The following PTPRT variants were observed in gnomAD, a reference collection of about 807,000 sequenced individuals.
PTPRT encodes receptor-type tyrosine-protein phosphatase T.
Under a neutral mutation model 176.8 loss-of-function variants are expected in PTPRT, and 56 were observed. The ratio of observed to expected loss-of-function variants is 0.32; its 90% CI spans 0.26 to 0.40. The LOEUF (loss-of-function observed/expected upper bound fraction) is 0.40, where lower values mean the gene tolerates loss of function less well. Ranked by LOEUF, PTPRT falls within the 10% of genes least tolerant of loss-of-function variation. PTPRT has a pLI of 1.00. For missense variants in PTPRT, 1,540 were observed against 1,908.2 expected (o/e 0.81, Z 3.60); for synonymous variants, 783 against 739.0 (o/e 1.06, Z -0.96).
chr20:42,045,411 A>G, the PTPRT span, among the ~76,000 whole-genome samples: 1 of 151,432 alleles, frequency 6.6e-6, no homozygotes, highest in Non-Finnish European at 1.5e-5. Context: ...GCAGGCAAGA[A>G]AGTTTCGTTG....
At chr20:42,333,210 T>C (rs1333583178) in intron 11 of PTPRT, among the ~76,000 whole-genome samples, 2 of 152,220 alleles carry the variant, frequency 1.3e-5, no homozygotes, top group Admixed American at 6.5e-5. Context: ...GAAACAGATA[T>C]GATAATCCAA....
At chr20:43,000,198 GA>G (rs1984484171) in intron 1 of PTPRT, among the ~76,000 whole-genome samples, 1 of 151,890 alleles carries the variant, frequency 6.6e-6, no homozygotes, top group South Asian at 2.1e-4. Context: ...ACTCAAAACA[GA>G]ATATAAACTT....
At chr20:42,301,651 T>C (rs1304289150) in intron 12 of PTPRT, among the ~76,000 whole-genome samples, 1 of 151,524 alleles carries the variant, frequency 6.6e-6, no homozygotes, top group Admixed American at 6.6e-5. Flanking sequence ...AACAGACAAA[T>C]AGGGGAAGAA....
intron 7 of PTPRT, among the ~76,000 whole-genome samples, chr20:42,559,138 T>C (rs2072908863): frequency 6.6e-6 from 1 of 152,206 alleles, no homozygotes. Context: ...TAGAACATTG[T>C]AGAGGCTTAA....
At chr20:42,185,915 C>G (rs555198512) in intron 16 of PTPRT, among the ~76,000 whole-genome samples, 1 of 152,006 alleles carries the variant, frequency 6.6e-6, no homozygotes, top group Admixed American at 6.6e-5. Flanking sequence ...CAGTAGTAAA[C>G]AAAAACATGG....
chr20:42,631,834 C>T (rs2074413814), intron 7 of PTPRT, among the ~76,000 whole-genome samples: 1 of 152,166 alleles, frequency 6.6e-6, no homozygotes. Context: ...TCAAACTCTG[C>T]ACATTTTAAA....
intron 18 of PTPRT, among the ~76,000 whole-genome samples, chr20:42,131,964 A>C (rs1269112557): frequency 6.6e-6 from 1 of 152,082 alleles, no homozygotes; most frequent in Non-Finnish European, 1.5e-5. Flanking sequence ...GGGAAAACAG[A>C]GTGTGAGGGG....
chr20:42,450,402 A>G (rs751219298), intron 8 of PTPRT, among the ~76,000 whole-genome samples: 2 of 152,234 alleles, frequency 1.3e-5, no homozygotes, highest in Admixed American at 6.5e-5. Context: ...TAAAAAATTA[A>G]GTGCATGTGT....
At chr20:42,802,566 C>G (rs1270969893) in intron 2 of PTPRT, among the ~76,000 whole-genome samples, 1 of 152,260 alleles carries the variant, frequency 6.6e-6, no homozygotes, top group Non-Finnish European at 1.5e-5. Context: ...CTCTAAGGAG[C>G]TACAAGACTT....
chr20:42,400,563 C>T (rs1464847587), intron 9 of PTPRT, among the ~76,000 whole-genome samples: 1 of 152,014 alleles, frequency 6.6e-6, no homozygotes, highest in Non-Finnish European at 1.5e-5. Context: ...CACCAAGAAG[C>T]CACATCTTGC....
At chr20:43,036,580 C>A (rs188541842) in intron 1 of PTPRT, among the ~76,000 whole-genome samples, 26 of 151,788 alleles carry the variant, frequency 1.7e-4, no homozygotes, top group East Asian at 1.2e-3. Flanking sequence ...CAAAAAAAAA[C>A]CCCATGAATT....
chr20:42,450,756 G>A (rs1489872803), intron 8 of PTPRT, among the ~76,000 whole-genome samples: 1 of 152,020 alleles, frequency 6.6e-6, no homozygotes, highest in African/African-American at 2.4e-5. Context: ...TATGATGAAG[G>A]GACAGCGATG....
At chr20:42,286,373 A>C (rs899818721) in intron 12 of PTPRT, among the ~76,000 whole-genome samples, 3 of 152,024 alleles carry the variant, frequency 2.0e-5, no homozygotes, top group Non-Finnish European at 4.4e-5. Context: ...TACTGGCATA[A>C]AAACAGACAC....
At chr20:42,447,518 C>G (rs753429279) in intron 9 of PTPRT, among the ~76,000 whole-genome samples, 4 of 152,036 alleles carry the variant, frequency 2.6e-5, no homozygotes, top group Admixed American at 1.3e-4. Flanking sequence ...CAACCTTACT[C>G]GTATTGCAAT....
chr20:42,439,560 A>C (rs1385169828), intron 9 of PTPRT, among the ~76,000 whole-genome samples: 1 of 152,230 alleles, frequency 6.6e-6, no homozygotes, highest in Non-Finnish European at 1.5e-5. Context: ...CTGTAGCGTA[A>C]CATCAGATAG....
intron 2 of PTPRT, among the ~76,000 whole-genome samples, chr20:42,848,469 C>A (rs1233414434): frequency 6.6e-6 from 1 of 152,186 alleles, no homozygotes; most frequent in African/African-American, 2.4e-5. Flanking sequence ...TTCACCACAT[C>A]CCCACCAACA....
intron 9 of PTPRT, among the ~76,000 whole-genome samples, chr20:42,426,839 G>T (rs1332574869): frequency 6.6e-6 from 1 of 152,228 alleles, no homozygotes; most frequent in Non-Finnish European, 1.5e-5. Context: ...AGGTTGGTCA[G>T]ATGGCTGATG....
chr20:43,043,068 T>C (rs909819689), intron 1 of PTPRT, among the ~76,000 whole-genome samples: 1 of 152,184 alleles, frequency 6.6e-6, no homozygotes, highest in African/African-American at 2.4e-5. Context: ...CTGGATGAGA[T>C]AAACACATTG....
chr20:42,619,015 G>A (rs1186545458), intron 7 of PTPRT, among the ~76,000 whole-genome samples: 1 of 151,706 alleles, frequency 6.6e-6, no homozygotes, highest in African/African-American at 2.4e-5. Flanking sequence ...CTCGTAAGTT[G>A]ATGCAGTTTC....
Sources: allele counts gnomAD v4.1 joint callset (sites outside exome capture counted in the v4.1 genomes callset), GRCh38; gene constraint gnomAD v4.1.1; transcripts MANE v1.5; gene names NCBI Gene and HGNC (gene_info 2026-07-23, HGNC 2026-07-21).